Variants in MEGF10 observed in about 807,000 individuals in gnomAD.
The protein encoded by MEGF10 is multiple epidermal growth factor-like domains protein 10.
Under a neutral mutation model 147.5 loss-of-function variants are expected in MEGF10, and 86 were observed. The ratio of observed to expected loss-of-function variants is 0.58; its 90% CI spans 0.49 to 0.70. The LOEUF (loss-of-function observed/expected upper bound fraction) is 0.70. Ranked by LOEUF, MEGF10 falls within the 30% of genes least tolerant of loss-of-function variation. MEGF10 has a pLI of 0.00. For missense variants in MEGF10, 1,329 were observed against 1,487.3 expected (o/e 0.89, Z 1.75); for synonymous variants, 478 against 525.5 (o/e 0.91, Z 1.24).
chr5:127,457,255 A>G lies in MEGF10; in HGVS notation c.3360A>G (p.Ser1120=). 6.2e-7 allele frequency: 1 copy of G among 1,614,134 alleles called. No homozygotes were observed. Among genetic ancestry groups the G allele is most frequent in the Non-Finnish European group, 8.5e-7 (1 of 1,180,010 alleles). The change falls in exon 25 of 25, where the codon TCA becomes TCG. Residue 1120 remains serine, a synonymous_variant. Coordinates refer to ENST00000503335, the MANE Select transcript of MEGF10 (RefSeq NM_001256545.2). ...ACCTGCTGCCAGTCCGAGACAGTTC[A>G]TCCTCCCCTAAGCAAGAGGACAGTG... The part of the protein sequence containing the change: ...HYDLLPVRDS[S]SSPKQEDSGG...
At chr5:127,438,943 T>C (rs1288218779) in intron 17 of MEGF10, among the ~76,000 whole-genome samples, 1 of 152,202 alleles carries the variant, frequency 6.6e-6, no homozygotes, top group South Asian at 2.1e-4. Context: ...CCTGATTTAA[T>C]GTGCGCTCTT....
At chr5:127,276,109 T>A in the MEGF10 span, among the ~76,000 whole-genome samples, 1 of 152,212 alleles carries the variant, frequency 6.6e-6, no homozygotes, top group Non-Finnish European at 1.5e-5. Context: ...ACTATCTTTT[T>A]CTTAGTGTAG....
chr5:127,412,496 G>T (rs182920619), intron 9 of MEGF10, among the ~76,000 whole-genome samples: 372 of 152,216 alleles, frequency 2.4e-3, no homozygotes, highest in African/African-American at 8.6e-3. Context: ...GTGGAGCCTT[G>T]CTGTTACATA....
intron 5 of MEGF10, among the ~76,000 whole-genome samples, chr5:127,388,142 A>G (rs376272123): frequency 6.6e-6 from 1 of 152,084 alleles, no homozygotes; most frequent in African/African-American, 2.4e-5. Flanking sequence ...TTTTGTTTGT[A>G]TAGTATTATC....
chr5:127,453,965 G>A (rs1766258718), intron 22 of MEGF10, among the ~76,000 whole-genome samples: 1 of 152,120 alleles, frequency 6.6e-6, no homozygotes, highest in South Asian at 2.1e-4. Flanking sequence ...ATAAAGGCTG[G>A]CCATTTTCCA....
chr5:127,286,030 C>T (rs1759019469), upstream of MEGF10, among the ~76,000 whole-genome samples: 2 of 152,002 alleles, frequency 1.3e-5, no homozygotes, highest in African/African-American at 4.8e-5. Flanking sequence ...AACTGGAGGA[C>T]ATTAAGTGAA....
At position 127,314,505 on chromosome 5, in the gene MEGF10, G is replaced by A. The variant is rs192347986; in HGVS notation, c.-18-16786G>A. Among the ~76,000 whole-genome samples the A allele has an allele frequency of 5.3e-5, 8 of 152,316 alleles. No individual in the cohort carries two copies. The East Asian group carries it at 1.4e-3, about 26-fold the overall frequency. On this transcript the variant is annotated intron_variant, in intron 1 of 24. Coordinates refer to ENST00000503335, the MANE Select transcript of MEGF10 (RefSeq NM_001256545.2). The stretch of plus-strand genomic sequence containing the variant: ...AGTTGGTTCCGTTAGAGATTTCTAT[G>A]CAGTTTCTAGTGAAAAGACTAGAGA...
the MEGF10 span, among the ~76,000 whole-genome samples, chr5:127,280,163 A>T: frequency 6.6e-6 from 1 of 152,206 alleles, no homozygotes; most frequent in Admixed American, 6.5e-5. Flanking sequence ...AAATTTTTTT[A>T]TAAATCTTCT....
At chr5:127,416,169 A>C (rs1421237944) in intron 9 of MEGF10, among the ~76,000 whole-genome samples, 1 of 151,976 alleles carries the variant, frequency 6.6e-6, no homozygotes, top group Non-Finnish European at 1.5e-5. Context: ...CTGGGACTAC[A>C]GATGCCCACC....
intron 21 of MEGF10, among the ~76,000 whole-genome samples, chr5:127,448,205 T>G (rs1766021865): frequency 6.6e-6 from 1 of 152,160 alleles, no homozygotes; most frequent in Non-Finnish European, 1.5e-5. Flanking sequence ...AAATTGCTAT[T>G]TTTGTAGGTC....
At position 127,457,546 on chromosome 5, in the gene MEGF10, G is replaced by T; in HGVS notation, c.*228G>T. ...TGATTTCCCATTGCTGTTAGTTTTAGAACTATACCCGTGAAGCATGACTTA... is the reference window on the plus strand; with the variant it reads ...TGATTTCCCATTGCTGTTAGTTTTATAACTATACCCGTGAAGCATGACTTA... On this transcript the variant is annotated 3_prime_UTR_variant, in exon 25 of 25. Transcript: ENST00000503335. 1 of 500,926 alleles carries T rather than the reference G, an allele frequency of 2.0e-6. No homozygotes were observed. Among genetic ancestry groups the T allele is most frequent in the Non-Finnish European group, 3.5e-6 (1 of 284,474 alleles). 31.0% of individuals were successfully genotyped at this position (500,926 alleles called of 1,614,324 possible).
chr5:127,287,273 G>A (rs77731632), upstream of MEGF10, among the ~76,000 whole-genome samples: 1,342 of 151,982 alleles, frequency 8.8e-3, 22 homozygotes, highest in African/African-American at 0.03. Context: ...ATGTTGTACT[G>A]GGCATCCTAT....
chr5:127,318,215 G>C (rs963357280), intron 1 of MEGF10, among the ~76,000 whole-genome samples: 1 of 152,090 alleles, frequency 6.6e-6, no homozygotes, highest in Admixed American at 6.6e-5. Flanking sequence ...ATCTGCCAGC[G>C]CCTTGATTCT....
At chr5:127,425,052 C>T (rs1001291645) in intron 13 of MEGF10, among the ~76,000 whole-genome samples, 3 of 152,172 alleles carry the variant, frequency 2.0e-5, no homozygotes, top group Non-Finnish European at 4.4e-5. Context: ...GTGAGGTGTT[C>T]CTGAACACAC....
intron 13 of MEGF10, 118 bp downstream of exon 13, chr5:127,422,890 G>T: frequency 2.6e-6 from 2 of 755,218 alleles, no homozygotes; most frequent in South Asian, 3.5e-5. Context: ...ATGAAAATTC[G>T]ATAAGGTTTC....
chr5:127,369,569 A>G (rs1354579434), intron 4 of MEGF10, among the ~76,000 whole-genome samples: 1 of 152,166 alleles, frequency 6.6e-6, no homozygotes, highest in Non-Finnish European at 1.5e-5. Context: ...TCGTTTCTCT[A>G]TATAGGCTTC....
the MEGF10 span, among the ~76,000 whole-genome samples, chr5:127,255,810 A>G: frequency 1.3e-5 from 2 of 151,910 alleles, no homozygotes; most frequent in Non-Finnish European, 2.9e-5. Flanking sequence ...ACATTCCTTT[A>G]TTGTCATCCT....
At chr5:127,254,847 A>G in the MEGF10 span, among the ~76,000 whole-genome samples, 2 of 151,678 alleles carry the variant, frequency 1.3e-5, no homozygotes, top group South Asian at 4.2e-4. Flanking sequence ...TGATATTGAT[A>G]TCGTAATCAC....
chr5:127,362,947 G>A (rs999255498), intron 4 of MEGF10, among the ~76,000 whole-genome samples: 12 of 152,044 alleles, frequency 7.9e-5, no homozygotes, highest in African/African-American at 2.7e-4. Context: ...TATTGTTTTT[G>A]TGGTTGTTTT....
Sources: allele counts gnomAD v4.1 joint callset (sites outside exome capture counted in the v4.1 genomes callset), GRCh38; gene constraint gnomAD v4.1.1; transcripts MANE v1.5; gene names NCBI Gene and HGNC (gene_info 2026-07-23, HGNC 2026-07-21).